Variants in OSBPL10 observed in about 807,000 individuals in gnomAD.
OSBPL10 encodes oxysterol binding protein like 10, also known as oxysterol-binding protein-related protein 10.
In OSBPL10, 49 loss-of-function variants were observed where a neutral mutation model predicts 81.7. That is an observed-to-expected ratio of 0.60 (90% CI 0.48 to 0.76). The LOEUF is 0.76. Among genes scored for constraint, OSBPL10 ranks in the 30% least tolerant of loss-of-function variants. OSBPL10 has a pLI of 0.00. For synonymous variants in OSBPL10, 419 were observed against 383.6 expected (o/e 1.09, Z -1.08); for missense variants, 923 against 987.8 (o/e 0.93, Z 0.88).
intron 1 of OSBPL10, among the ~76,000 whole-genome samples, chr3:31,884,256 A>AG (rs1695671352): frequency 6.6e-6 from 1 of 152,254 alleles, no homozygotes; most frequent in Non-Finnish European, 1.5e-5. Context: ...ATGAAAAAAA[A>AG]GAACATGTTT....
chr3:31,966,241 T>C (rs1006283134), intron 1 of OSBPL10, among the ~76,000 whole-genome samples: 1 of 149,998 alleles, frequency 6.7e-6, no homozygotes, highest in Non-Finnish European at 1.5e-5. Context: ...AGTCTCAAGA[T>C]AAATTACAAA....
At chr3:31,776,883 C>T (rs777781882) in intron 4 of OSBPL10, among the ~76,000 whole-genome samples, 57 of 152,144 alleles carry the variant, frequency 3.7e-4, no homozygotes, top group Non-Finnish European at 6.6e-4. Context: ...TTTCACAACA[C>T]TGTGAATACA....
chr3:31,766,344 T>TG (rs1698198574), intron 4 of OSBPL10, among the ~76,000 whole-genome samples: 1 of 104,542 alleles, frequency 9.6e-6, no homozygotes, highest in African/African-American at 6.4e-5. Flanking sequence ...TTTGTTTTTT[T>TG]TTGTTTTTTT....
chr3:31,839,648 T>C (rs1014952219), intron 3 of OSBPL10, among the ~76,000 whole-genome samples: 2 of 152,024 alleles, frequency 1.3e-5, no homozygotes, highest in African/African-American at 4.8e-5. Flanking sequence ...AAGAGCATTC[T>C]ACATAGAATC....
chr3:31,991,052 C>T (rs182040007), intron 2 of OSBPL10: 109 of 1,368,622 alleles, frequency 8.0e-5, no homozygotes, highest in Admixed American at 4.7e-4. Context: ...TATAGCAAAC[C>T]ATCAAGCATT....
intron 4 of OSBPL10, among the ~76,000 whole-genome samples, chr3:31,774,880 T>C (rs547452487): frequency 9.9e-5 from 15 of 150,894 alleles, no homozygotes; most frequent in Admixed American, 8.6e-4. Context: ...AGAATGGAGA[T>C]TGAGAGCTGA....
intron 8 of OSBPL10, among the ~76,000 whole-genome samples, chr3:31,677,139 C>CA (rs1700500112): frequency 6.6e-6 from 1 of 152,118 alleles, no homozygotes; most frequent in Non-Finnish European, 1.5e-5. Context: ...ACCCAATCAA[C>CA]AAATTCATAG....
intron 6 of OSBPL10, among the ~76,000 whole-genome samples, chr3:31,724,278 T>C (rs967288333): frequency 6.6e-5 from 10 of 152,200 alleles, no homozygotes; most frequent in African/African-American, 1.9e-4. Flanking sequence ...CACTCGGTGC[T>C]GAGCTTTTTT....
rs989765891 is a variant in OSBPL10 at position 31,929,883 on chromosome 3, C to T, written c.282-50053G>A. 2.0e-5 allele frequency among the ~76,000 whole-genome samples: 3 copies of T among 151,924 alleles called. No individual in the cohort carries two copies. In the East Asian group the frequency reaches 5.8e-4, roughly 29 times the overall value. ...GCATGGCGACTCATGCCTGTAATCC[C>T]AGCTACACAGGACAGTGAAGCAAGA... On this transcript the variant is annotated intron_variant, in intron 1 of 11. Coordinates refer to ENST00000396556, the MANE Select transcript of OSBPL10 (RefSeq NM_017784.5).
chr3:31,764,305 G>A (rs945657429), intron 4 of OSBPL10, among the ~76,000 whole-genome samples: 2 of 152,222 alleles, frequency 1.3e-5, no homozygotes, highest in Non-Finnish European at 2.9e-5. Context: ...GCCTGCTGGT[G>A]GAATCAGTCA....
At chr3:32,072,449 T>A (rs990891221) in intron 1 of OSBPL10, among the ~76,000 whole-genome samples, 6 of 152,140 alleles carry the variant, frequency 3.9e-5, no homozygotes, top group Non-Finnish European at 5.9e-5. Flanking sequence ...ATCAATCTCT[T>A]CCCACACAAA....
intron 4 of OSBPL10, among the ~76,000 whole-genome samples, chr3:31,766,636 C>G (rs1326885804): frequency 1.3e-5 from 2 of 152,004 alleles, no homozygotes; most frequent in African/African-American, 4.8e-5. Context: ...ACTGTGCTGG[C>G]CCCAGTGTAG....
intron 6 of OSBPL10, among the ~76,000 whole-genome samples, chr3:31,706,454 G>A (rs1342987679): frequency 1.3e-5 from 2 of 151,772 alleles, no homozygotes; most frequent in African/African-American, 4.8e-5. Flanking sequence ...TGAGAGATGG[G>A]GTCTTGGGCT....
chr3:31,662,301 T>C, intron 11 of OSBPL10, 185 bp from the exon 12 acceptor site: 9 of 1,330,886 alleles, frequency 6.8e-6, no homozygotes, highest in Non-Finnish European at 8.6e-6. Context: ...GACCTTGACC[T>C]TCCTACCCTG....
intron 4 of OSBPL10, among the ~76,000 whole-genome samples, chr3:31,753,432 G>T (rs551984712): frequency 1.3e-5 from 2 of 151,980 alleles, no homozygotes; most frequent in Admixed American, 6.6e-5. Flanking sequence ...TGATCTGCCC[G>T]CCGCAGCCTC....
At chr3:31,774,666 C>T (rs574098808) in intron 4 of OSBPL10, among the ~76,000 whole-genome samples, 1 of 151,748 alleles carries the variant, frequency 6.6e-6, no homozygotes, top group Non-Finnish European at 1.5e-5. Context: ...GCACCCACCA[C>T]CACACCTGGC....
rs187474376 is a variant in OSBPL10 at position 31,824,787 on chromosome 3, T to C, written c.729+5253A>G. ...GGCTGTTTCTGGGTTCTTCCTTGTT[T>C]GCCAGCGGATATCTTGCAGTTGCGG... is the stretch of plus-strand genomic sequence containing the variant. On this transcript the variant is annotated intron_variant, in intron 4 of 11. Transcript: ENST00000396556. Among the ~76,000 whole-genome samples the C allele has an allele frequency of 2.2e-3, 340 of 152,286 alleles. 4 individuals are homozygous for C. The highest frequency in any genetic ancestry group is 7.2e-3 in the African/African-American group (300 of 41,562).
chr3:31,668,522 A>G, intron 10 of OSBPL10, 120 bp downstream of exon 10: 1 of 898,006 alleles, frequency 1.1e-6, no homozygotes. Context: ...AGAAGCCAGT[A>G]GAACATGATT....
At chr3:31,836,460 T>C (rs1307962774) in intron 3 of OSBPL10, among the ~76,000 whole-genome samples, 1 of 152,184 alleles carries the variant, frequency 6.6e-6, no homozygotes, top group Non-Finnish European at 1.5e-5. Flanking sequence ...CTGCAAATAG[T>C]GGGAAACAAA....
Sources: allele counts gnomAD v4.1 joint callset (sites outside exome capture counted in the v4.1 genomes callset), GRCh38; gene constraint gnomAD v4.1.1; transcripts MANE v1.5; gene names NCBI Gene and HGNC (gene_info 2026-07-23, HGNC 2026-07-21).